SKAP1: variants seen among roughly 807,000 people sequenced by gnomAD.
SKAP1 encodes src kinase-associated phosphoprotein 1.
SKAP1 carries 44 observed loss-of-function variants against 58.5 expected under a neutral mutation model. That is an observed-to-expected ratio of 0.75 (90% CI 0.59 to 0.97). The LOEUF is 0.97. Ranked by LOEUF, SKAP1 falls within the 50% of genes least tolerant of loss-of-function variation. SKAP1 has a pLI of 0.00. For synonymous variants in SKAP1, 127 were observed against 149.7 expected (o/e 0.85, Z 1.11); for missense variants, 390 against 435.2 (o/e 0.90, Z 0.92).
intron 4 of SKAP1, among the ~76,000 whole-genome samples, chr17:48,266,569 G>A (rs1314151978): frequency 6.9e-6 from 1 of 145,626 alleles, no homozygotes; most frequent in Admixed American, 6.9e-5. Context: ...GGAGTGCAGT[G>A]GCGCAATCTT....
At chr17:48,385,918 G>T (rs906261097) in intron 2 of SKAP1, among the ~76,000 whole-genome samples, 9 of 152,194 alleles carry the variant, frequency 5.9e-5, no homozygotes, top group African/African-American at 1.9e-4. Context: ...GATGCTGCCG[G>T]CCAAATGTAG....
At position 48,374,207 on chromosome 17, in the gene SKAP1, G is replaced by GA. The variant is rs1555620733; in HGVS notation, c.153-10394_153-10393insT. 2.7e-3 allele frequency among the ~76,000 whole-genome samples: 245 copies of GA among 90,324 alleles called. 2 individuals are homozygous for GA. The highest frequency in any genetic ancestry group is 0.011 in the African/African-American group (232 of 21,090). 59.3% of individuals were successfully genotyped at this position (90,324 alleles called of 152,430 possible). ...GCTCCACCATGCCTGGCTAATTTTT[G>GA]TTTTTTTTTTTTTTGTACAGACAGG... On this transcript the variant is annotated intron_variant, in intron 2 of 12. Transcript: ENST00000336915.
chr17:48,289,738 AC>A (rs1169677109), intron 4 of SKAP1, among the ~76,000 whole-genome samples: 1 of 152,024 alleles, frequency 6.6e-6, no homozygotes, highest in Non-Finnish European at 1.5e-5. Context: ...ACTTTAGAAC[AC>A]ATCCTTTCAG....
chr17:48,263,339 G>C (rs1340606723), intron 4 of SKAP1, among the ~76,000 whole-genome samples: 1 of 152,160 alleles, frequency 6.6e-6, no homozygotes, highest in East Asian at 1.9e-4. Flanking sequence ...ATTCCCATCT[G>C]TTCCATATGA....
At chr17:48,396,351 C>T (rs995490508) in intron 2 of SKAP1, among the ~76,000 whole-genome samples, 5 of 152,124 alleles carry the variant, frequency 3.3e-5, no homozygotes, top group South Asian at 2.1e-4. Flanking sequence ...AACACTTTCT[C>T]GTTAATAATT....
intron 4 of SKAP1, among the ~76,000 whole-genome samples, chr17:48,207,522 G>A (rs2064824454): frequency 6.7e-6 from 1 of 150,084 alleles, no homozygotes; most frequent in African/African-American, 2.4e-5. Context: ...TTTACATAAA[G>A]TTATATTTGA....
chr17:48,277,814 A>G (rs1426478414), intron 4 of SKAP1, among the ~76,000 whole-genome samples: 3 of 152,034 alleles, frequency 2.0e-5, no homozygotes, highest in Admixed American at 6.6e-5. Context: ...CTGGTCTTGA[A>G]TTCCTGGCCT....
chr17:48,162,265 C>A (rs1193915596), intron 11 of SKAP1, among the ~76,000 whole-genome samples: 1 of 152,204 alleles, frequency 6.6e-6, no homozygotes, highest in African/African-American at 2.4e-5. Flanking sequence ...CACGCCCGGC[C>A]TAGCCTTGTA....
chr17:48,251,086 C>T (rs993827934), intron 4 of SKAP1, among the ~76,000 whole-genome samples: 1 of 152,216 alleles, frequency 6.6e-6, no homozygotes, highest in Non-Finnish European at 1.5e-5. Flanking sequence ...CACAGCATCC[C>T]ATAAAACATT....
chr17:48,205,632 T>C (rs964302404), intron 4 of SKAP1, among the ~76,000 whole-genome samples: 6 of 151,970 alleles, frequency 3.9e-5, no homozygotes, highest in Non-Finnish European at 2.9e-5. Flanking sequence ...ACAGAATTCT[T>C]AAAAAGAAGA....
At chr17:48,185,651 ATTGC>A (rs1360754558) in intron 6 of SKAP1, among the ~76,000 whole-genome samples, 1 of 152,188 alleles carries the variant, frequency 6.6e-6, no homozygotes, top group Non-Finnish European at 1.5e-5. Context: ...TGTGAAATGA[ATTGC>A]TTAATAAATG....
At chr17:48,245,441 A>T (rs1292444328) in intron 4 of SKAP1, among the ~76,000 whole-genome samples, 1 of 152,204 alleles carries the variant, frequency 6.6e-6, no homozygotes, top group East Asian at 1.9e-4. Context: ...AAGTGCCTTT[A>T]TTATGCTTTA....
intron 4 of SKAP1, among the ~76,000 whole-genome samples, chr17:48,295,878 C>T (rs1237149372): frequency 6.6e-6 from 1 of 151,486 alleles, no homozygotes; most frequent in Non-Finnish European, 1.5e-5. Context: ...GTACATAACA[C>T]ATTTATGTGT....
intron 3 of SKAP1, among the ~76,000 whole-genome samples, chr17:48,350,945 G>A (rs368711195): frequency 3.9e-5 from 6 of 152,022 alleles, no homozygotes; most frequent in East Asian, 3.8e-4. Context: ...TATAAATAAA[G>A]CTCCCTGATC....
intron 10 of SKAP1, 47 bp downstream of exon 10, chr17:48,170,562 G>C: frequency 6.7e-7 from 1 of 1,501,848 alleles, no homozygotes; most frequent in South Asian, 1.1e-5. Flanking sequence ...CTAATCAGAA[G>C]CCCATAATGT....
chr17:48,288,802 G>A lies in SKAP1; in HGVS notation c.280+57103C>T, dbSNP rs963985941. Among the ~76,000 whole-genome samples, 7 of 152,186 alleles carry A rather than the reference G, an allele frequency of 4.6e-5. No individual in the cohort carries two copies. The East Asian group carries it at 1.3e-3, about 29-fold the overall frequency. Reference sequence around the variant, plus strand: ...CTACCTAAAGGCAAGCAAGAGAAATGCTGGGAAATAGCACAAAACAGTGAT... The same window carrying A: ...CTACCTAAAGGCAAGCAAGAGAAATACTGGGAAATAGCACAAAACAGTGAT... On this transcript the variant is annotated intron_variant, in intron 4 of 12. Coordinates refer to ENST00000336915, the MANE Select transcript of SKAP1 (RefSeq NM_003726.4).
intron 4 of SKAP1, among the ~76,000 whole-genome samples, chr17:48,261,409 AG>A (rs1189199408): frequency 1.3e-5 from 2 of 152,140 alleles, no homozygotes; most frequent in East Asian, 3.8e-4. Flanking sequence ...TGGGAGCTAC[AG>A]GGTTAGTTTG....
At chr17:48,365,569 C>T (rs761509224) in intron 2 of SKAP1, among the ~76,000 whole-genome samples, 25 of 152,102 alleles carry the variant, frequency 1.6e-4, no homozygotes, top group African/African-American at 4.6e-4. Context: ...TCCTGTTTCC[C>T]GTCACATCAC....
chr17:48,431,990 G>T (rs1345623206), upstream of SKAP1, among the ~76,000 whole-genome samples: 1 of 152,116 alleles, frequency 6.6e-6, no homozygotes, highest in Non-Finnish European at 1.5e-5. Context: ...AGTGCATCCT[G>T]CCATCTGAAA....
Sources: allele counts gnomAD v4.1 joint callset (sites outside exome capture counted in the v4.1 genomes callset), GRCh38; gene constraint gnomAD v4.1.1; transcripts MANE v1.5; gene names NCBI Gene and HGNC (gene_info 2026-07-23, HGNC 2026-07-21).